The following ANKRD36 variants were observed in gnomAD, a reference collection of about 807,000 sequenced individuals.
ANKRD36 encodes ankyrin repeat domain 36.
Under a neutral mutation model 278.1 loss-of-function variants are expected in ANKRD36, and 179 were observed. That is an observed-to-expected ratio of 0.64 (90% CI 0.57 to 0.73). The LOEUF is 0.73. Ranked by LOEUF, ANKRD36 falls within the 30% of genes least tolerant of loss-of-function variation. The pLI is 0.00. For missense variants in ANKRD36, 1,159 were observed against 1,956.7 expected (o/e 0.59, Z 7.69); for synonymous variants, 320 against 641.1 (o/e 0.50, Z 7.57).
chr2:97,122,415 A>G (rs1187963266), intron 3 of ANKRD36, among the ~76,000 whole-genome samples: 3 of 147,486 alleles, frequency 2.0e-5, no homozygotes, highest in African/African-American at 7.4e-5. Flanking sequence ...CTGGTAAAGT[A>G]AATATCCTTT....
chr2:97,175,185 A>C (rs1295122516), intron 22 of ANKRD36, among the ~76,000 whole-genome samples: 22 of 149,986 alleles, frequency 1.5e-4, no homozygotes, highest in African/African-American at 5.4e-4. Context: ...TGATTGGAAT[A>C]GTTTCAGAAG....
Position 97,193,024 on chromosome 2 carries a change from A to G in ANKRD36, c.2420A>G (p.Glu807Gly), listed in dbSNP as rs765748011. The G allele has an allele frequency of 5.7e-6, 9 of 1,571,356 alleles. No individual in the cohort carries two copies. The South Asian group carries it at 8.1e-5, about 14-fold the overall frequency. Residue 807 changes from glutamate to glycine, a missense_variant, in exon 38 of 76, where the codon GAA (glutamate) becomes GGA (glycine). Transcript: ENST00000420699. ...EEGSVLSIAR[E>G]NKDGEKSRTV... ...GGTTCTGTTTTGAGTATAGCCAGAG[A>G]AAACAAGGATGGAGAAAAATCTAGG...
rs999394816 is a variant in ANKRD36 at position 97,191,309 on chromosome 2, T to C, written c.2347+128T>C. On this transcript the variant is annotated intron_variant, in intron 36 of 75. Transcript: ENST00000420699. ...CATTCAGCTGTCCTGAGATTCTTCA[T>C]TTGCAGTAAGTTCTTGGGTGATGGT... 6 of 1,167,490 alleles carry C rather than the reference T, an allele frequency of 5.1e-6. No individual in the cohort carries two copies. The African/African-American group carries it at 9.4e-5, about 18-fold the overall frequency. The allele number at this position is 1,167,490 out of a possible 1,614,324, so 72.3% of individuals were successfully genotyped here.
chr2:97,161,360 C>T (rs2048828900), intron 17 of ANKRD36, among the ~76,000 whole-genome samples: 1 of 152,252 alleles, frequency 6.6e-6, no homozygotes, highest in African/African-American at 2.4e-5. Context: ...TCCAGTGACT[C>T]ACCAAATTTT....
chr2:97,220,185 G>T (rs2067028815), intron 66 of ANKRD36, among the ~76,000 whole-genome samples: 1 of 148,600 alleles, frequency 6.7e-6, no homozygotes, highest in African/African-American at 2.5e-5. Flanking sequence ...GTGTAATAAT[G>T]ACATCATGGT....
chr2:97,152,649 A>G (rs1172387504), intron 14 of ANKRD36, 115 bp downstream of exon 14: 3 of 884,282 alleles, frequency 3.4e-6, no homozygotes, highest in East Asian at 6.1e-5. Context: ...CATGCTTAAC[A>G]TTTATCATGT....
At chr2:97,206,468 C>T (rs1396365264) in intron 52 of ANKRD36, among the ~76,000 whole-genome samples, 4 of 151,348 alleles carry the variant, frequency 2.6e-5, no homozygotes, top group Non-Finnish European at 4.4e-5. Context: ...GAGGAAGTAT[C>T]GATTTTACAG....
intron 26 of ANKRD36, 26 bp from the exon 27 acceptor site, chr2:97,183,433 G>A (rs2924035): frequency 6.5e-6 from 10 of 1,544,700 alleles, no homozygotes; most frequent in Admixed American, 3.8e-5. Flanking sequence ...ACATATGATG[G>A]ATTATATATT....
At chr2:97,195,548 A>G (rs1358825351) in intron 40 of ANKRD36, among the ~76,000 whole-genome samples, 26 of 152,026 alleles carry the variant, frequency 1.7e-4, no homozygotes, top group Non-Finnish European at 3.2e-4. Flanking sequence ...GAATTGGCAT[A>G]AAAACAAAAT....
intron 46 of ANKRD36, among the ~76,000 whole-genome samples, chr2:97,201,587 C>T (rs1038958983): frequency 6.6e-6 from 1 of 151,926 alleles, no homozygotes; most frequent in Non-Finnish European, 1.5e-5. Context: ...CTAGTGGATA[C>T]AAGAAGCTTA....
In ANKRD36 at chr2:97,204,139, G is replaced by A. The variant is rs750351761; in HGVS notation, c.2988+43G>A. Reference sequence around the variant, plus strand: ...TATATTGTGAACTAGTAAATGTATAGTCTACGAAACATACTTTATTAATTT... The same window carrying A: ...TATATTGTGAACTAGTAAATGTATAATCTACGAAACATACTTTATTAATTT... On this transcript the variant is annotated intron_variant, in intron 49 of 75. Transcript: ENST00000420699. 5.7e-6 allele frequency: 9 copies of A among 1,571,774 alleles called. No homozygotes were observed. In the South Asian group the frequency reaches 9.4e-5, roughly 16 times the overall value.
intron 33 of ANKRD36, 45 bp downstream of exon 33, chr2:97,189,160 C>T (rs1575547569): frequency 2.7e-6 from 2 of 751,366 alleles, no homozygotes; most frequent in East Asian, 4.9e-5. Flanking sequence ...ATTCTATAGT[C>T]TATGAAACAT....
chr2:97,130,588 GA>G (rs574132135), intron 6 of ANKRD36, among the ~76,000 whole-genome samples: 102 of 143,810 alleles, frequency 7.1e-4, no homozygotes, highest in Admixed American at 3.1e-3. Flanking sequence ...CTAAAAGTAT[GA>G]AAAAAAAAAA....
At chr2:97,197,875 C>T (rs1452373466) in intron 42 of ANKRD36, among the ~76,000 whole-genome samples, 3 of 151,976 alleles carry the variant, frequency 2.0e-5, no homozygotes, top group South Asian at 2.1e-4. Flanking sequence ...GATTATTACT[C>T]CATATCGGGG....
rs778154833 is a variant in ANKRD36 at position 97,113,781 on chromosome 2, G to C, written c.42G>C (p.Glu14Asp). ...GGGAGAGGTGGCCCACCCTCATGGA[G>C]CGCTTGTGCTCGGATGGCTTCGCAT... The part of the protein sequence containing the change: ...GKRERWPTLM[E>D]RLCSDGFAFP... Residue 14 changes from glutamate (E) to aspartate (D), a missense_variant, in exon 1 of 76, where the codon GAG (glutamate) becomes GAC (aspartate). Physicochemically the swap from Glu to Asp is conservative, Grantham distance 45. Coordinates refer to ENST00000420699, the MANE Select transcript of ANKRD36 (RefSeq NM_001354587.1). The C allele has an allele frequency of 1.9e-6, 3 of 1,612,998 alleles. No homozygotes were observed. The Admixed American group carries it at 5.0e-5, about 27-fold the overall frequency.
intron 11 of ANKRD36, among the ~76,000 whole-genome samples, chr2:97,147,080 C>T (rs1225150459): frequency 6.6e-6 from 1 of 151,648 alleles, no homozygotes; most frequent in Non-Finnish European, 1.5e-5. Flanking sequence ...CAAGACTAGG[C>T]CAGTCCTAGA....
chr2:97,141,179 G>A (rs1340696831), intron 6 of ANKRD36, among the ~76,000 whole-genome samples: 1 of 150,482 alleles, frequency 6.6e-6, no homozygotes, highest in Non-Finnish European at 1.5e-5. Context: ...ATAAAATAAT[G>A]TATATCTTGA....
chr2:97,193,060 T>A lies in ANKRD36; in HGVS notation c.2449+7T>A, dbSNP rs1212561002. On this transcript the variant is annotated splice_region_variant and intron_variant, in intron 38 of 75. Coordinates refer to ENST00000420699, the MANE Select transcript of ANKRD36 (RefSeq NM_001354587.1). ...GGAGAAAAATCTAGGACAGGTAATT[T>A]TGAAAAGAGATTTAATGTCATGTTC... 1 of 1,541,598 alleles carries A rather than the reference T, an allele frequency of 6.5e-7. No individual in the cohort carries two copies. Among genetic ancestry groups the A allele is most frequent in the Admixed American group, 2.0e-5 (1 of 50,990 alleles).
intron 42 of ANKRD36, among the ~76,000 whole-genome samples, chr2:97,198,098 G>A (rs1326169559): frequency 6.6e-6 from 1 of 152,026 alleles, no homozygotes; most frequent in Non-Finnish European, 1.5e-5. Context: ...TGAAAGACAT[G>A]TGGGTACATG....
Sources: allele counts gnomAD v4.1 joint callset (sites outside exome capture counted in the v4.1 genomes callset), GRCh38; gene constraint gnomAD v4.1.1; transcripts MANE v1.5; gene names NCBI Gene and HGNC (gene_info 2026-07-23, HGNC 2026-07-21).